The following NTM variants were observed in gnomAD, a reference collection of about 807,000 sequenced individuals.
NTM encodes the protein IgLON family member 2.
In NTM, 13 loss-of-function variants were observed where a neutral mutation model predicts 42.1. The observed-to-expected ratio is 0.31, with a 90% confidence interval of 0.20 to 0.49. NTM has a LOEUF of 0.49. Among genes scored for constraint, NTM ranks in the 20% least tolerant of loss-of-function variants. NTM has a pLI of 0.99. For missense variants in NTM, 373 were observed against 452.8 expected, an observed-to-expected ratio of 0.82 and a Z score of 1.60; for synonymous variants, 187 against 179.2, an observed-to-expected ratio of 1.04 and a Z score of -0.35.
chr11:131,836,932 A>G (rs1475373860), intron 1 of NTM, among the ~76,000 whole-genome samples: 2 of 152,210 alleles, frequency 1.3e-5, no homozygotes, highest in Non-Finnish European at 2.9e-5. Context: ...CCATTGTGTG[A>G]TTAGTAATAA....
intron 1 of NTM, among the ~76,000 whole-genome samples, chr11:131,469,069 C>G (rs1952168726): frequency 6.6e-6 from 1 of 152,184 alleles, no homozygotes; most frequent in African/African-American, 2.4e-5. Context: ...TTCATCTTAT[C>G]CTGGCAGAGC....
intron 3 of NTM, among the ~76,000 whole-genome samples, chr11:132,177,365 T>A (rs1184001057): frequency 6.6e-6 from 1 of 152,194 alleles, no homozygotes; most frequent in Non-Finnish European, 1.5e-5. Flanking sequence ...AGCTCAGCAG[T>A]GGCACTCCAA....
intron 1 of NTM, among the ~76,000 whole-genome samples, chr11:131,786,584 A>T (rs778417838): frequency 5.3e-5 from 8 of 152,118 alleles, no homozygotes; most frequent in Admixed American, 6.5e-5. Flanking sequence ...GCTGTAGGGA[A>T]TTTTTTTTAA....
chr11:132,147,369 A>G (rs1263503277), intron 3 of NTM, among the ~76,000 whole-genome samples: 1 of 152,066 alleles, frequency 6.6e-6, no homozygotes, highest in Non-Finnish European at 1.5e-5. Flanking sequence ...AGTGAGCAAG[A>G]GCTGGCATCA....
chr11:131,657,151 A>AAC (rs2067303000), intron 1 of NTM, among the ~76,000 whole-genome samples: 1 of 130,290 alleles, frequency 7.7e-6, no homozygotes, highest in East Asian at 2.0e-4. Flanking sequence ...AGACCAGCCC[A>AAC]AAAAAAAAAA....
intron 2 of NTM, among the ~76,000 whole-genome samples, chr11:132,123,673 G>A (rs2065204413): frequency 6.6e-6 from 1 of 152,196 alleles, no homozygotes; most frequent in Admixed American, 6.5e-5. Flanking sequence ...TACCTGCCGT[G>A]AGACCAGCTG....
At chr11:131,627,255 GAA>G (rs2063212467) in intron 1 of NTM, among the ~76,000 whole-genome samples, 1 of 151,640 alleles carries the variant, frequency 6.6e-6, no homozygotes, top group Non-Finnish European at 1.5e-5. Context: ...GGGGTATGGG[GAA>G]GGACGTAAAT....
At chr11:131,790,855 A>G (rs2090832380) in intron 1 of NTM, among the ~76,000 whole-genome samples, 1 of 152,190 alleles carries the variant, frequency 6.6e-6, no homozygotes, top group Non-Finnish European at 1.5e-5. Flanking sequence ...GCAAGTAAGG[A>G]GAAAAGAGAA....
intron 1 of NTM, among the ~76,000 whole-genome samples, chr11:131,471,336 C>G (rs1333395225): frequency 6.6e-6 from 1 of 152,198 alleles, no homozygotes; most frequent in African/African-American, 2.4e-5. Flanking sequence ...ACGGAGTGCT[C>G]TCTGTCAGGC....
intron 1 of NTM, among the ~76,000 whole-genome samples, chr11:131,882,352 A>T (rs1253712362): frequency 3.9e-5 from 6 of 152,208 alleles, no homozygotes; most frequent in Admixed American, 3.9e-4. Flanking sequence ...TCTTCAAGGC[A>T]GGTTAGTCAT....
intron 1 of NTM, among the ~76,000 whole-genome samples, chr11:131,704,948 A>T (rs2076445484): frequency 6.6e-6 from 1 of 152,162 alleles, no homozygotes. Context: ...AAAAAGATTG[A>T]GAAACAGTGA....
intron 1 of NTM, among the ~76,000 whole-genome samples, chr11:131,510,424 G>A (rs531581411): frequency 5.8e-4 from 88 of 152,242 alleles, no homozygotes; most frequent in Non-Finnish European, 1.2e-3. Context: ...GGATGGGTCT[G>A]CTTACCAACT....
At chr11:131,729,643 A>G (rs187893626) in intron 1 of NTM, among the ~76,000 whole-genome samples, 1 of 152,046 alleles carries the variant, frequency 6.6e-6, no homozygotes. Context: ...GTCTCTATGG[A>G]TTTGTCTATT....
At chr11:132,157,033 A>G (rs1325658278) in intron 3 of NTM, among the ~76,000 whole-genome samples, 2 of 152,180 alleles carry the variant, frequency 1.3e-5, no homozygotes, top group Non-Finnish European at 1.5e-5. Flanking sequence ...AAGACCAGAT[A>G]TCTTTTGAGA....
chr11:131,419,353 A>G (rs922338305), intron 1 of NTM, among the ~76,000 whole-genome samples: 2 of 152,198 alleles, frequency 1.3e-5, no homozygotes, highest in Admixed American at 6.5e-5. Flanking sequence ...GGTGAGTACT[A>G]CCACAGTGCA....
chr11:131,772,081 C>G (rs558299146), intron 1 of NTM, among the ~76,000 whole-genome samples: 2 of 152,188 alleles, frequency 1.3e-5, no homozygotes, highest in South Asian at 4.1e-4. Context: ...TGAATTTCTA[C>G]TATATTTTGA....
chr11:131,400,042 C>G (rs1439620065), intron 1 of NTM, among the ~76,000 whole-genome samples: 1 of 152,018 alleles, frequency 6.6e-6, no homozygotes, highest in East Asian at 1.9e-4. Context: ...CCTGATTGCC[C>G]TAACAGCTCA....
intron 1 of NTM, among the ~76,000 whole-genome samples, chr11:131,432,975 C>T (rs1397918018): frequency 1.3e-5 from 2 of 150,918 alleles, no homozygotes; most frequent in African/African-American, 4.9e-5. Context: ...CTGCCTCAGC[C>T]TCCCAAGTAG....
At position 132,108,455 on chromosome 11, in the gene NTM, T is replaced by C. The variant is rs554176567; in HGVS notation, c.168-37827T>C. 5.3e-5 allele frequency among the ~76,000 whole-genome samples: 8 copies of C among 152,272 alleles called. No homozygotes were observed. The East Asian group carries it at 1.5e-3, about 29-fold the overall frequency. ...GAGCGGAAAAACAGACATCATATGT[T>C]CTCACTCATAAGTGGGAGCTAAACT... On this transcript the variant is annotated intron_variant, in intron 2 of 8. Coordinates refer to ENST00000683400, the MANE Select transcript of NTM (RefSeq NM_001352005.2).
Sources: gnomAD v4.1 joint callset for allele counts (sites outside exome capture counted in the v4.1 genomes callset) on GRCh38, gnomAD v4.1.1 for gene constraint, MANE v1.5 for transcripts, NCBI Gene and HGNC (gene_info 2026-07-23, HGNC 2026-07-21) for gene names.